The following SLC16A1 variants were observed in gnomAD, a reference collection of about 807,000 sequenced individuals.
The protein encoded by SLC16A1 is solute carrier family 16 member 1, also known as monocarboxylate transporter 1.
Under a neutral mutation model 32.2 loss-of-function variants are expected in SLC16A1, and 11 were observed. That is an observed-to-expected ratio of 0.34 (90% CI 0.21 to 0.56). The LOEUF (loss-of-function observed/expected upper bound fraction) is 0.56. Among genes scored for constraint, SLC16A1 ranks in the 20% least tolerant of loss-of-function variants. The pLI is 0.87. For missense variants in SLC16A1, 435 were observed against 615.0 expected (o/e 0.71, Z 3.10); for synonymous variants, 231 against 226.8 (o/e 1.02, Z -0.17).
rs1051506707 is a variant in SLC16A1, at chr1:112,912,430, A to G, written c.*1461T>C. On this transcript the variant is annotated 3_prime_UTR_variant, in exon 5 of 5. Transcript: ENST00000369626. The stretch of plus-strand genomic sequence containing the variant: ...TTGTATCTATACTTTTACTCTGTCA[A>G]TTACAGTGGTATTTTAAATGCATTG... The G allele has an allele frequency of 4.6e-5, 7 of 152,234 alleles. No individual in the cohort carries two copies. The highest frequency in any genetic ancestry group is 7.3e-5 in the Non-Finnish European group (5 of 68,042). The allele number at this position is 152,234 out of a possible 1,614,324, so 9.4% of individuals were successfully genotyped here.
At chr1:112,916,497 A>T (rs1465064495) in intron 4 of SLC16A1, among the ~76,000 whole-genome samples, 2 of 104,424 alleles carry the variant, frequency 1.9e-5, no homozygotes, top group Admixed American at 8.7e-5. Context: ...AGACTGTCTT[A>T]AAAAAAAAAA....
At chr1:112,921,461 CT>C (rs1325661793) in intron 3 of SLC16A1, among the ~76,000 whole-genome samples, 1 of 151,984 alleles carries the variant, frequency 6.6e-6, no homozygotes. Flanking sequence ...TAATTTGATC[CT>C]TTTTTGCTCA....
At chr1:112,928,479 A>T (rs1649012806) in intron 2 of SLC16A1, among the ~76,000 whole-genome samples, 1 of 152,250 alleles carries the variant, frequency 6.6e-6, no homozygotes, top group Non-Finnish European at 1.5e-5. Flanking sequence ...GGCTAGAAAC[A>T]GTATTTTAGA....
intron 3 of SLC16A1, among the ~76,000 whole-genome samples, chr1:112,920,491 G>A (rs957841056): frequency 2.0e-5 from 3 of 152,008 alleles, no homozygotes; most frequent in East Asian, 3.9e-4. Context: ...CTGTAATCCC[G>A]GCTACTTGGG....
chr1:112,923,885 G>A, intron 2 of SLC16A1: 2 of 1,523,234 alleles, frequency 1.3e-6, no homozygotes, highest in Non-Finnish European at 1.8e-6. Flanking sequence ...CCCAGCAGGT[G>A]AAAACGGAGC....
chr1:112,936,634 CCTTT>C (rs1445436598), intron 1 of SLC16A1, among the ~76,000 whole-genome samples: 1 of 152,048 alleles, frequency 6.6e-6, no homozygotes, highest in Non-Finnish European at 1.5e-5. Flanking sequence ...ATTTTCCCTT[CCTTT>C]GAGATTTTTA....
chr1:112,932,129 T>C lies in SLC16A1; in HGVS notation c.-44-2777A>G, dbSNP rs116761772. 5.3e-3 allele frequency among the ~76,000 whole-genome samples: 806 copies of C among 152,262 alleles called. 10 individuals carry two copies. The highest frequency in any genetic ancestry group is 0.019 in the African/African-American group (772 of 41,542). ...GATGAAAATAGCTCCATACAAGAAG[T>C]TTCCTGAAAAGCAAGGATATACTCA... On this transcript the variant is annotated intron_variant, in intron 1 of 4. Coordinates refer to ENST00000369626, the MANE Select transcript of SLC16A1 (RefSeq NM_003051.4).
chr1:112,938,341 G>A (rs1436239619), intron 1 of SLC16A1, among the ~76,000 whole-genome samples: 2 of 152,160 alleles, frequency 1.3e-5, no homozygotes, highest in African/African-American at 4.8e-5. Flanking sequence ...GCAGCTTCAT[G>A]GTTTACAGAA....
rs1040183000 is a variant in SLC16A1, at chr1:112,953,328, A to AT, written c.-45+2706dup. Among the ~76,000 whole-genome samples, 7 of 151,936 alleles carry AT rather than the reference A, an allele frequency of 4.6e-5. No individual in the cohort carries two copies. The East Asian group carries it at 1.2e-3, about 25-fold the overall frequency. ...AGAAGCATGCCACCATGCCTGGCTA[A>AT]TTTTTTGTATTTTTAATAGAGACAG... On this transcript the variant is annotated intron_variant, in intron 1 of 4. Transcript: ENST00000369626.
At chr1:112,922,291 A>T in intron 2 of SLC16A1, 158 bp from the exon 3 acceptor site, 1 of 680,588 alleles carries the variant, frequency 1.5e-6, no homozygotes. Flanking sequence ...TGTGTACTAA[A>T]ATAAAGATGT....
intron 1 of SLC16A1, among the ~76,000 whole-genome samples, chr1:112,929,721 T>G (rs929957961): frequency 6.6e-6 from 1 of 152,024 alleles, no homozygotes; most frequent in East Asian, 1.9e-4. Flanking sequence ...GTGGTGTGTG[T>G]CTGTGGTCCC....
At chr1:112,915,695 T>G (rs559639974) in intron 4 of SLC16A1, among the ~76,000 whole-genome samples, 1 of 151,962 alleles carries the variant, frequency 6.6e-6, no homozygotes, top group African/African-American at 2.4e-5. Context: ...GTAGTTGTGA[T>G]GGAGAAAAAT....
intron 2 of SLC16A1, among the ~76,000 whole-genome samples, chr1:112,926,314 G>A (rs187226125): frequency 3.3e-5 from 5 of 152,378 alleles, no homozygotes; most frequent in Admixed American, 1.3e-4. Context: ...GCCGTTGCCA[G>A]GCGCAGTGGC....
Position 112,931,644 on chromosome 1 carries a change from CAAAAAAA to C in SLC16A1, c.-44-2299_-44-2293del, listed in dbSNP as rs561013159. 2.0e-3 allele frequency among the ~76,000 whole-genome samples: 122 copies of C among 62,022 alleles called. 2 individuals are homozygous for C. The highest frequency in any genetic ancestry group is 3.7e-3 in the East Asian group (5 of 1,360). 40.7% of individuals were successfully genotyped at this position (62,022 alleles called of 152,430 possible). On this transcript the variant is annotated intron_variant, in intron 1 of 4. Coordinates refer to ENST00000369626, the MANE Select transcript of SLC16A1 (RefSeq NM_003051.4). ...TGGGCGACAGAGTAATACTCTGTCT[CAAAAAAA>C]AAAAAAAAAAAAAAAAAGTAGTTTT... is the stretch of plus-strand genomic sequence containing the variant.
At chr1:112,931,118 A>G (rs1246393736) in intron 1 of SLC16A1, among the ~76,000 whole-genome samples, 2 of 152,148 alleles carry the variant, frequency 1.3e-5, no homozygotes, top group African/African-American at 4.8e-5. Flanking sequence ...GGCTGACTTA[A>G]CATACTAGGA....
intron 3 of SLC16A1, among the ~76,000 whole-genome samples, chr1:112,921,521 G>A (rs1348321916): frequency 1.3e-5 from 2 of 152,212 alleles, no homozygotes; most frequent in South Asian, 2.1e-4. Context: ...GATATACATA[G>A]AAATGTTAAT....
Position 112,921,497 on chromosome 1 carries a change from A to G in SLC16A1, c.361+493T>C, listed in dbSNP as rs1381141022. On this transcript the variant is annotated intron_variant, in intron 3 of 4. Transcript: ENST00000369626. ...AAAAAAAGGTGTATCTGTGCATAGA[A>G]AAACACATGGAAGGATATACATAGA... is the stretch of plus-strand genomic sequence containing the variant. Among the ~76,000 whole-genome samples the G allele has an allele frequency of 1.3e-5, 2 of 152,232 alleles. 1 individual carries two copies. Among genetic ancestry groups the G allele is most frequent in the East Asian group, 3.8e-4 (2 of 5,206 alleles).
rs1005138921 is a variant in SLC16A1, at chr1:112,913,767, G to C, written c.*124C>G. 8.3e-7 allele frequency: 1 copy of C among 1,201,792 alleles called. No individual in the cohort carries two copies. Among genetic ancestry groups the C allele is most frequent in the Non-Finnish European group, 1.2e-6 (1 of 816,082 alleles). The allele number at this position is 1,201,792 out of a possible 1,614,324, so 74.4% of individuals were successfully genotyped here. A position where few individuals can be genotyped will look rare whatever the true frequency, so the allele number is the denominator to read the frequency against. ...ACAAAAATCCCATCAATGAACAACT[G>C]GTATGATTTCCACACAAATGTCTAC... On this transcript the variant is annotated 3_prime_UTR_variant, in exon 5 of 5. Coordinates refer to ENST00000369626, the MANE Select transcript of SLC16A1 (RefSeq NM_003051.4).
chr1:112,942,216 C>T (rs2101646141), intron 1 of SLC16A1, among the ~76,000 whole-genome samples: 1 of 152,332 alleles, frequency 6.6e-6, no homozygotes, highest in Middle Eastern at 3.4e-3. Flanking sequence ...AGGTGATCAG[C>T]CTACCTCAGC....
Sources: allele counts gnomAD v4.1 joint callset (sites outside exome capture counted in the v4.1 genomes callset), GRCh38; gene constraint gnomAD v4.1.1; transcripts MANE v1.5; gene names NCBI Gene and HGNC (gene_info 2026-07-23, HGNC 2026-07-21).